The following FBXL17 variants were observed in gnomAD, a reference collection of about 807,000 sequenced individuals.
The protein encoded by FBXL17 is F-box and leucine rich repeat protein 17, also known as F-box/LRR-repeat protein 17.
In FBXL17, 22 loss-of-function variants were observed where a neutral mutation model predicts 66.2. The ratio of observed to expected loss-of-function variants is 0.33; its 90% CI spans 0.24 to 0.47. FBXL17 has a LOEUF of 0.47. Among genes scored for constraint, FBXL17 ranks in the 20% least tolerant of loss-of-function variants. The pLI, the probability that FBXL17 is intolerant of heterozygous loss-of-function variation, is 1.00. For missense variants in FBXL17, 878 were observed against 948.2 expected (o/e 0.93, Z 0.97); for synonymous variants, 474 against 400.5 (o/e 1.18, Z -2.19).
chr5:108,129,648 A>T (rs994763994), intron 6 of FBXL17, among the ~76,000 whole-genome samples: 1 of 152,058 alleles, frequency 6.6e-6, no homozygotes, highest in African/African-American at 2.4e-5. Flanking sequence ...ATTACTGAGT[A>T]AAAATATGTC....
rs577340067 is a variant in FBXL17 at position 107,998,879 on chromosome 5, C to CA, written c.1822+22045dup. Reference sequence around the variant, plus strand: ...ACATTTATAGCATAGAGTCTAAACTCAGAGTTAAAGCTTGACAACACCTTA... The same window carrying CA: ...ACATTTATAGCATAGAGTCTAAACTCAAGAGTTAAAGCTTGACAACACCTTA... On this transcript the variant is annotated intron_variant, in intron 7 of 8. Transcript: ENST00000542267. Among the ~76,000 whole-genome samples, 112 of 152,306 alleles carry CA rather than the reference C, an allele frequency of 7.4e-4. 1 individual carries two copies. In the South Asian group the frequency reaches 0.012, roughly 17 times the overall value.
At chr5:108,133,282 C>CT (rs922842792) in intron 6 of FBXL17, among the ~76,000 whole-genome samples, 8 of 151,788 alleles carry the variant, frequency 5.3e-5, no homozygotes, top group African/African-American at 7.3e-5. Flanking sequence ...AAGTTTGGCT[C>CT]TTTTTTTTCT....
At chr5:108,147,261 G>A (rs1392088509) in intron 6 of FBXL17, among the ~76,000 whole-genome samples, 1 of 152,146 alleles carries the variant, frequency 6.6e-6, no homozygotes, top group Non-Finnish European at 1.5e-5. Context: ...AAAAATAAAA[G>A]TTGAGGCAAC....
intron 7 of FBXL17, among the ~76,000 whole-genome samples, chr5:107,930,543 T>A (rs1031889298): frequency 2.6e-5 from 4 of 152,242 alleles, no homozygotes; most frequent in African/African-American, 9.6e-5. Flanking sequence ...GAACTGCCTC[T>A]CCAACTAGTA....
At chr5:107,999,602 C>T (rs1753635384) in intron 7 of FBXL17, among the ~76,000 whole-genome samples, 1 of 150,986 alleles carries the variant, frequency 6.6e-6, no homozygotes, top group South Asian at 2.1e-4. Context: ...TCTTGCAATT[C>T]TTCCCTTCAT....
intron 6 of FBXL17, among the ~76,000 whole-genome samples, chr5:108,024,538 A>G (rs972464016): frequency 6.6e-6 from 1 of 152,140 alleles, no homozygotes; most frequent in Non-Finnish European, 1.5e-5. Context: ...TTTATTCTGA[A>G]TTGCCTACCC....
At chr5:108,161,195 T>C (rs1332879826) in intron 6 of FBXL17, among the ~76,000 whole-genome samples, 1 of 143,298 alleles carries the variant, frequency 7.0e-6, no homozygotes, top group East Asian at 2.1e-4. Context: ...CATACATACA[T>C]ACCCCAGCCC....
intron 4 of FBXL17, among the ~76,000 whole-genome samples, chr5:108,238,984 TTAAA>T (rs1280223190): frequency 6.6e-6 from 1 of 152,192 alleles, no homozygotes; most frequent in Non-Finnish European, 1.5e-5. Flanking sequence ...ATATTACTTT[TTAAA>T]TAAATAAATG....
intron 7 of FBXL17, among the ~76,000 whole-genome samples, chr5:107,906,417 A>C (rs941461462): frequency 6.6e-6 from 1 of 152,182 alleles, no homozygotes; most frequent in East Asian, 1.9e-4. Flanking sequence ...AAGGAACAAC[A>C]GTTTTTGAAT....
At chr5:107,965,505 A>G (rs1235595124) in intron 7 of FBXL17, among the ~76,000 whole-genome samples, 8 of 152,166 alleles carry the variant, frequency 5.3e-5, no homozygotes, top group Non-Finnish European at 8.8e-5. Flanking sequence ...CTGGTGAGAT[A>G]TCTCTATATG....
chr5:107,887,675 A>G (rs4957727), intron 7 of FBXL17, among the ~76,000 whole-genome samples: 130,200 of 152,156 alleles, frequency 0.86, 55,830 homozygotes, highest in South Asian at 0.91. Context: ...CATTTGTTGC[A>G]TTCATGGTCC....
At chr5:108,152,722 T>C (rs879318014) in intron 6 of FBXL17, among the ~76,000 whole-genome samples, 15 of 152,204 alleles carry the variant, frequency 9.9e-5, no homozygotes, top group Non-Finnish European at 1.8e-4. Flanking sequence ...TGTATCCTTC[T>C]GTTGAGAGGC....
intron 6 of FBXL17, among the ~76,000 whole-genome samples, chr5:108,144,955 G>C (rs879715184): frequency 2.6e-5 from 4 of 152,084 alleles, no homozygotes; most frequent in Non-Finnish European, 5.9e-5. Flanking sequence ...ATGCAAATGT[G>C]ATAGAGAAGC....
At chr5:108,049,444 G>A (rs1747388182) in intron 6 of FBXL17, among the ~76,000 whole-genome samples, 1 of 151,874 alleles carries the variant, frequency 6.6e-6, no homozygotes, top group Non-Finnish European at 1.5e-5. Flanking sequence ...AACATTCTTA[G>A]AGAAAAGAAT....
At position 108,145,391 on chromosome 5, in the gene FBXL17, A is replaced by T. The variant is rs573124022; in HGVS notation, c.1745+40726T>A. Among the ~76,000 whole-genome samples the T allele has an allele frequency of 2.3e-3, 354 of 152,310 alleles. 5 individuals are homozygous for T. Among genetic ancestry groups the T allele is most frequent in the African/African-American group, 8.2e-3 (342 of 41,586 alleles). ...ATTTCTTCTCTCTCAGAACTGCTAG[A>T]ATCAGACAGAACTCTAAAGTTCATA... is the stretch of plus-strand genomic sequence containing the variant. On this transcript the variant is annotated intron_variant, in intron 6 of 8. Transcript: ENST00000542267.
At chr5:108,322,929 A>G (rs1222642364) in intron 4 of FBXL17, among the ~76,000 whole-genome samples, 4 of 151,972 alleles carry the variant, frequency 2.6e-5, no homozygotes, top group Non-Finnish European at 5.9e-5. Flanking sequence ...GAAAATGTAT[A>G]ATGTGTACAT....
chr5:108,061,815 T>C (rs565504566), intron 6 of FBXL17, among the ~76,000 whole-genome samples: 2 of 152,218 alleles, frequency 1.3e-5, no homozygotes, highest in Middle Eastern at 3.4e-3. Flanking sequence ...CCATGACTTT[T>C]GTTGTTACAG....
At chr5:108,189,198 G>A (rs976854515) in intron 5 of FBXL17, among the ~76,000 whole-genome samples, 3 of 151,966 alleles carry the variant, frequency 2.0e-5, no homozygotes, top group South Asian at 2.1e-4. Context: ...CTAGGGTTTC[G>A]CAAGGCAATC....
At chr5:108,087,891 T>C (rs1426183849) in intron 6 of FBXL17, among the ~76,000 whole-genome samples, 1 of 152,192 alleles carries the variant, frequency 6.6e-6, no homozygotes, top group African/African-American at 2.4e-5. Flanking sequence ...CTACTTAAAA[T>C]TGAAAAGGCT....
Sources: allele counts gnomAD v4.1 joint callset (sites outside exome capture counted in the v4.1 genomes callset), GRCh38; gene constraint gnomAD v4.1.1; transcripts MANE v1.5; gene names NCBI Gene and HGNC (gene_info 2026-07-23, HGNC 2026-07-21).